Variants in NT5DC1 observed in about 807,000 individuals in gnomAD.
NT5DC1 encodes 5'-nucleotidase domain containing 1.
In NT5DC1, 42 loss-of-function variants were observed where a neutral mutation model predicts 59.4. The ratio of observed to expected loss-of-function variants is 0.71; its 90% CI spans 0.55 to 0.92. The LOEUF is 0.92. Ranked by LOEUF, NT5DC1 falls within the 40% of genes least tolerant of loss-of-function variation. NT5DC1 has a pLI of 0.00. For synonymous variants in NT5DC1, 172 were observed against 188.1 expected (o/e 0.91, Z 0.70); for missense variants, 501 against 537.1 (o/e 0.93, Z 0.66).
At chr6:116,212,155 A>G (rs1369339932) in intron 6 of NT5DC1, among the ~76,000 whole-genome samples, 1 of 152,082 alleles carries the variant, frequency 6.6e-6, no homozygotes, top group Non-Finnish European at 1.5e-5. Flanking sequence ...TGTCAAAACA[A>G]TTATCAGAGT....
At chr6:116,237,553 C>A (rs1782141106) in intron 9 of NT5DC1, 1 of 456,578 alleles carries the variant, frequency 2.2e-6, no homozygotes, top group South Asian at 1.5e-5. Context: ...CCTGGGGACT[C>A]CTGAGGGTTA....
chr6:116,137,056 T>C (rs1562133389), intron 6 of NT5DC1: 1 of 204,196 alleles, frequency 4.9e-6, no homozygotes, highest in East Asian at 1.2e-4. Flanking sequence ...AGTGACTTCA[T>C]TTTAAGTCAC....
At chr6:116,183,090 G>T (rs1780922979) in intron 6 of NT5DC1, among the ~76,000 whole-genome samples, 2 of 152,036 alleles carry the variant, frequency 1.3e-5, no homozygotes, top group South Asian at 4.1e-4. Flanking sequence ...TCTTCTACAT[G>T]TGGCTTGTCA....
chr6:116,133,593 T>C (rs1334114161), intron 6 of NT5DC1, among the ~76,000 whole-genome samples: 1 of 152,124 alleles, frequency 6.6e-6, no homozygotes. Context: ...CGGATACTTA[T>C]GCAGCTATTT....
chr6:116,205,897 T>G (rs1258488264), intron 6 of NT5DC1, among the ~76,000 whole-genome samples: 1 of 151,934 alleles, frequency 6.6e-6, no homozygotes, highest in Non-Finnish European at 1.5e-5. Context: ...AGTCAGCCTC[T>G]CTAGGCCTCA....
rs1021044939 is a variant in NT5DC1 at position 116,226,692 on chromosome 6, T to C, written c.802+3561T>C. 2.2e-4 allele frequency among the ~76,000 whole-genome samples: 33 copies of C among 152,068 alleles called. 1 individual carries two copies. The highest frequency in any genetic ancestry group is 8.0e-4 in the African/African-American group (33 of 41,440). ...TCAAAAGACTTGAAAGTCTTTTTGA[T>C]TGAATTTATGGTATGGAAATATTAG... On this transcript the variant is annotated intron_variant, in intron 8 of 11. Coordinates refer to ENST00000319550, the MANE Select transcript of NT5DC1 (RefSeq NM_152729.3).
chr6:116,103,705 C>T (rs956872713), intron 1 of NT5DC1, among the ~76,000 whole-genome samples: 1 of 152,064 alleles, frequency 6.6e-6, no homozygotes, highest in Admixed American at 6.6e-5. Flanking sequence ...TTAACAACTG[C>T]ACAGAGTTGT....
intron 8 of NT5DC1, among the ~76,000 whole-genome samples, chr6:116,232,745 A>G (rs1396119761): frequency 6.6e-6 from 1 of 152,190 alleles, no homozygotes; most frequent in Non-Finnish European, 1.5e-5. Flanking sequence ...CTACTTTGTA[A>G]CTATTATACT....
At chr6:116,154,186 C>T (rs575369407) in intron 6 of NT5DC1, among the ~76,000 whole-genome samples, 1 of 152,006 alleles carries the variant, frequency 6.6e-6, no homozygotes, top group Admixed American at 6.5e-5. Context: ...TTACTTTTGG[C>T]TATTTAATTG....
intron 6 of NT5DC1, among the ~76,000 whole-genome samples, chr6:116,169,302 A>G (rs1328164061): frequency 6.6e-6 from 1 of 152,210 alleles, no homozygotes; most frequent in Non-Finnish European, 1.5e-5. Flanking sequence ...AATTTGTTCA[A>G]ATGGCATAGT....
At chr6:116,190,088 C>T (rs1781083188) in intron 6 of NT5DC1, among the ~76,000 whole-genome samples, 1 of 151,806 alleles carries the variant, frequency 6.6e-6, no homozygotes, top group Admixed American at 6.6e-5. Flanking sequence ...ATGGGAATAG[C>T]AATATCTATC....
intron 6 of NT5DC1, among the ~76,000 whole-genome samples, chr6:116,206,859 G>A (rs927035109): frequency 4.0e-5 from 6 of 151,840 alleles, no homozygotes; most frequent in African/African-American, 1.5e-4. Flanking sequence ...TACACATAGG[G>A]CATTTAGTGT....
chr6:116,162,111 A>G (rs1422625366), intron 6 of NT5DC1, among the ~76,000 whole-genome samples: 1 of 152,092 alleles, frequency 6.6e-6, no homozygotes, highest in African/African-American at 2.4e-5. Flanking sequence ...GCAACTGATT[A>G]TGGTGTGTTA....
intron 11 of NT5DC1, among the ~76,000 whole-genome samples, chr6:116,240,961 T>C (rs565652191): frequency 4.5e-4 from 68 of 151,954 alleles, no homozygotes; most frequent in Non-Finnish European, 8.7e-4. Context: ...CTGGCCAACA[T>C]GGTGAAACCC....
intron 11 of NT5DC1, among the ~76,000 whole-genome samples, chr6:116,241,830 G>C (rs1404748387): frequency 1.3e-5 from 2 of 150,676 alleles, no homozygotes; most frequent in Non-Finnish European, 2.9e-5. Context: ...GGCCGAGGCA[G>C]GAGAATGGCA....
At chr6:116,128,539 C>T (rs1779382839) in intron 6 of NT5DC1, among the ~76,000 whole-genome samples, 1 of 152,042 alleles carries the variant, frequency 6.6e-6, no homozygotes, top group Non-Finnish European at 1.5e-5. Flanking sequence ...TGGCAGTTAG[C>T]TACTATTAAG....
intron 6 of NT5DC1, among the ~76,000 whole-genome samples, chr6:116,176,513 C>G (rs1211421940): frequency 6.6e-6 from 1 of 152,150 alleles, no homozygotes; most frequent in East Asian, 1.9e-4. Context: ...CTGACATTAG[C>G]AGAAGTTTTC....
chr6:116,224,277 T>A (rs1460833683), intron 8 of NT5DC1, among the ~76,000 whole-genome samples: 1 of 152,232 alleles, frequency 6.6e-6, no homozygotes, highest in Non-Finnish European at 1.5e-5. Context: ...GATTCAGTTC[T>A]AGGCATTTGA....
chr6:116,236,440 A>G (rs1456601267), intron 8 of NT5DC1, among the ~76,000 whole-genome samples: 1 of 152,158 alleles, frequency 6.6e-6, no homozygotes, highest in East Asian at 1.9e-4. Flanking sequence ...TGGTCCACAA[A>G]CTTGTGCTTT....
Sources: gnomAD v4.1 joint callset for allele counts (sites outside exome capture counted in the v4.1 genomes callset) on GRCh38, gnomAD v4.1.1 for gene constraint, MANE v1.5 for transcripts, NCBI Gene and HGNC (gene_info 2026-07-23, HGNC 2026-07-21) for gene names.